ULK4: variants seen among roughly 807,000 people sequenced by gnomAD.
ULK4 encodes the protein inactive serine/threonine-protein kinase ULK4.
A neutral mutation model predicts 160.6 loss-of-function variants in ULK4; 133 were observed. The ratio of observed to expected loss-of-function variants is 0.83; its 90% CI spans 0.72 to 0.96. ULK4 has a LOEUF of 0.96. ULK4 is among the 40% of genes least tolerant of loss of function. The pLI, the probability that ULK4 is intolerant of heterozygous loss-of-function variation, is 0.00. For synonymous variants in ULK4, 534 were observed against 539.8 expected, an observed-to-expected ratio of 0.99 and a Z score of 0.15; for missense variants, 1,580 against 1,499.5, an observed-to-expected ratio of 1.05 and a Z score of -0.89.
At chr3:41,470,715 A>T (rs573988207) in intron 32 of ULK4, among the ~76,000 whole-genome samples, 32 of 152,314 alleles carry the variant, frequency 2.1e-4, no homozygotes, top group African/African-American at 7.5e-4. Flanking sequence ...TCAAAAACAT[A>T]AAATGAAGGG....
intron 19 of ULK4, among the ~76,000 whole-genome samples, chr3:41,814,284 T>C (rs984191327): frequency 6.6e-6 from 1 of 152,226 alleles, no homozygotes; most frequent in Non-Finnish European, 1.5e-5. Context: ...CTTAACAAAA[T>C]CTATAACTTT....
At chr3:41,911,474 A>C in intron 10 of ULK4, 67 bp downstream of exon 10, 1 of 1,586,680 alleles carries the variant, frequency 6.3e-7, no homozygotes, top group South Asian at 1.1e-5. Flanking sequence ...AAGGGACATA[A>C]CACTGAAATT....
At chr3:41,654,060 G>A (rs1013626796) in intron 30 of ULK4, among the ~76,000 whole-genome samples, 4 of 152,162 alleles carry the variant, frequency 2.6e-5, no homozygotes, top group Non-Finnish European at 5.9e-5. Flanking sequence ...TCACATCTAT[G>A]TTAAAAGAAA....
At chr3:41,675,561 G>C (rs2035684314) in intron 29 of ULK4, among the ~76,000 whole-genome samples, 1 of 152,178 alleles carries the variant, frequency 6.6e-6, no homozygotes, top group Non-Finnish European at 1.5e-5. Context: ...CTGCACTCCA[G>C]CCTGGGTGAC....
chr3:41,325,112 G>A (rs780096031), intron 35 of ULK4, among the ~76,000 whole-genome samples: 3 of 152,132 alleles, frequency 2.0e-5, no homozygotes, highest in Non-Finnish European at 4.4e-5. Context: ...ATTTTCTGAT[G>A]CTTTAAATGA....
At chr3:41,637,137 C>T (rs1242409812) in intron 30 of ULK4, among the ~76,000 whole-genome samples, 2 of 152,092 alleles carry the variant, frequency 1.3e-5, no homozygotes, top group Non-Finnish European at 2.9e-5. Context: ...CTGTAGTCAC[C>T]AGGTTGGACA....
At chr3:41,612,485 A>T (rs550230831) in intron 31 of ULK4, among the ~76,000 whole-genome samples, 1 of 152,336 alleles carries the variant, frequency 6.6e-6, no homozygotes, top group Non-Finnish European at 1.5e-5. Context: ...ACGTGAACTT[A>T]GAGGGCCTAC....
rs200364899 is a variant in ULK4 at position 41,388,551 on chromosome 3, C to A, written c.3678+9528G>T. ...TAATCCATCTTGAATTAATTTTTGT[C>A]TAAGGTGTAAGGAAGGGATCAAGTT... On this transcript the variant is annotated intron_variant, in intron 35 of 36. Transcript: ENST00000301831. Among the ~76,000 whole-genome samples the A allele has an allele frequency of 4.6e-5, 7 of 151,922 alleles. No homozygotes were observed. In the South Asian group the frequency reaches 6.2e-4, roughly 13 times the overall value.
chr3:41,647,072 G>C (rs577870386), intron 30 of ULK4, among the ~76,000 whole-genome samples: 1 of 152,090 alleles, frequency 6.6e-6, no homozygotes, highest in African/African-American at 2.4e-5. Context: ...CTCTGTATTG[G>C]TTATTCTAGT....
chr3:41,469,619 A>AAAAAAAAAAAAAAAAAAAAAAC, intron 32 of ULK4, among the ~76,000 whole-genome samples: 1 of 148,780 alleles, frequency 6.7e-6, no homozygotes, highest in Non-Finnish European at 1.5e-5. Context: ...AAAAAAAAAA[A>AAAAAAAAAAAAAAAAAAAAAAC]AAAAAAAACA....
At chr3:41,921,243 C>T (rs769838355) in intron 5 of ULK4, among the ~76,000 whole-genome samples, 14 of 152,026 alleles carry the variant, frequency 9.2e-5, no homozygotes, top group African/African-American at 2.9e-4. Flanking sequence ...ACCTAGTAGG[C>T]GAAGGCTGCA....
At chr3:41,848,650 G>T (rs962819401) in intron 17 of ULK4, among the ~76,000 whole-genome samples, 2 of 152,184 alleles carry the variant, frequency 1.3e-5, no homozygotes, top group African/African-American at 4.8e-5. Flanking sequence ...TAGAGTGAAG[G>T]AACAGCTGAC....
At chr3:41,605,941 A>T (rs1160803173) in intron 31 of ULK4, among the ~76,000 whole-genome samples, 1 of 152,070 alleles carries the variant, frequency 6.6e-6, no homozygotes, top group Non-Finnish European at 1.5e-5. Context: ...TCAATAAAAA[A>T]TATATCTGAC....
chr3:41,645,757 C>A (rs963405656), intron 30 of ULK4, among the ~76,000 whole-genome samples: 20 of 152,202 alleles, frequency 1.3e-4, no homozygotes, highest in African/African-American at 4.8e-4. Context: ...TGTTAACTTT[C>A]TGTCTTGTTG....
At chr3:41,735,687 T>TTTATTATTATTATTATTATTA (rs10652302) in intron 22 of ULK4, among the ~76,000 whole-genome samples, 153 of 144,522 alleles carry the variant, frequency 1.1e-3, no homozygotes, top group African/African-American at 2.5e-3. Context: ...CTAAGTCCAT[T>TTTATTATTATTATTATTATTA]TTATTATTAT....
chr3:41,638,107 A>T (rs1248222619), intron 30 of ULK4, among the ~76,000 whole-genome samples: 1 of 152,186 alleles, frequency 6.6e-6, no homozygotes, highest in East Asian at 1.9e-4. Context: ...CCAATTTAAA[A>T]GGCAAACAGT....
intron 32 of ULK4, among the ~76,000 whole-genome samples, chr3:41,554,090 T>C (rs2087192179): frequency 6.6e-6 from 1 of 152,138 alleles, no homozygotes; most frequent in Non-Finnish European, 1.5e-5. Flanking sequence ...GTGAAATTTG[T>C]CTTCCCATTC....
chr3:41,684,841 A>T (rs902731154), intron 27 of ULK4, among the ~76,000 whole-genome samples: 3 of 152,350 alleles, frequency 2.0e-5, no homozygotes, highest in Non-Finnish European at 4.4e-5. Context: ...CACTTTTCTT[A>T]TTCTCAACAA....
intron 35 of ULK4, among the ~76,000 whole-genome samples, chr3:41,334,676 A>G (rs1429383440): frequency 2.0e-5 from 3 of 152,180 alleles, no homozygotes; most frequent in Non-Finnish European, 2.9e-5. Context: ...TTGTGAGGCT[A>G]CATACCATTA....
Sources: allele counts gnomAD v4.1 joint callset (sites outside exome capture counted in the v4.1 genomes callset), GRCh38; gene constraint gnomAD v4.1.1; transcripts MANE v1.5; gene names NCBI Gene and HGNC (gene_info 2026-07-23, HGNC 2026-07-21).